The following RAB44 variants were observed in gnomAD, a reference collection of about 807,000 sequenced individuals.
RAB44 encodes ras-related protein Rab-44.
A neutral mutation model predicts 93.3 loss-of-function variants in RAB44; 67 were observed. The observed-to-expected ratio is 0.72, with a 90% CI of 0.59 to 0.88. RAB44 has a LOEUF of 0.88. Among genes scored for constraint, RAB44 ranks in the 40% least tolerant of loss-of-function variants. The pLI is 0.00. For synonymous variants in RAB44, 427 were observed against 520.3 expected, an observed-to-expected ratio of 0.82 and a Z score of 2.44; for missense variants, 1,064 against 1,261.7, an observed-to-expected ratio of 0.84 and a Z score of 2.37.
chr6:36,722,831 C>A, intron 9 of RAB44, 98 bp downstream of exon 9: 1 of 1,421,138 alleles, frequency 7.0e-7, no homozygotes, highest in Non-Finnish European at 9.5e-7. Context: ...CCTGAGGAAG[C>A]TGCAGGTTCT....
Position 36,722,270 on chromosome 6 carries a change from G to C in RAB44, c.2136G>C (p.Gln712His), listed in dbSNP as rs566201513. Residue 712 changes from glutamine to histidine, a missense_variant, in exon 9 of 14, where the codon CAG (glutamine) becomes CAC (histidine). Transcript: ENST00000612677. Reference sequence around the variant, plus strand: ...AAACTGCGCATTCGGAACTCCCCCAGCAAGACTCTCTGCTTGTTTCTCTCC... The same window carrying C: ...AAACTGCGCATTCGGAACTCCCCCACCAAGACTCTCTGCTTGTTTCTCTCC... The part of the protein sequence containing the change: ...GLETAHSELP[Q>H]QDSLLVSLPS... 1.5e-5 allele frequency: 20 copies of C among 1,291,146 alleles called. No homozygotes were observed. The South Asian group carries it at 5.1e-4, about 33-fold the overall frequency. The allele number at this position is 1,291,146 out of a possible 1,614,324, so 80.0% of individuals were successfully genotyped here. A position where few individuals can be genotyped will look rare whatever the true frequency, so the allele number is the denominator to read the frequency against.
In RAB44 at chr6:36,731,061, C is replaced by T. The variant is rs1175482562; in HGVS notation, c.2975+312C>T. Among the ~76,000 whole-genome samples, 1 of 152,038 alleles carries T rather than the reference C, an allele frequency of 6.6e-6. No individual in the cohort carries two copies. Among genetic ancestry groups the T allele is most frequent in the Non-Finnish European group, 1.5e-5 (1 of 68,004 alleles). On this transcript the variant is annotated intron_variant, in intron 13 of 13. Coordinates refer to ENST00000612677, the MANE Select transcript of RAB44 (RefSeq NM_001257357.2). The surrounding 1 kb of genome is among the most constrained non-coding windows in gnomAD (Gnocchi z 4.0). Reference sequence around the variant, plus strand: ...AAAAGGAGTGTCTCTCTTCTGCTCCCAAACTTCCAGTAGCTTCCATTAAAA... The same window carrying T: ...AAAAGGAGTGTCTCTCTTCTGCTCCTAAACTTCCAGTAGCTTCCATTAAAA...
At chr6:36,699,422 C>T (rs1377477420) in intron 1 of RAB44, among the ~76,000 whole-genome samples, 1 of 152,170 alleles carries the variant, frequency 6.6e-6, no homozygotes, top group African/African-American at 2.4e-5. Flanking sequence ...TCACAGTGGA[C>T]TTTGCTTCTG....
At position 36,703,287 on chromosome 6, in the gene RAB44, G is replaced by T. The variant is rs116419921; in HGVS notation, c.-12-937G>T. On this transcript the variant is annotated intron_variant, in intron 1 of 13. Transcript: ENST00000612677. ...CAAACAATTCCCATCAGGCCCCATC[G>T]CCCAACACTGCTTCACTGGGGATCA... is the stretch of plus-strand genomic sequence containing the variant. Among the ~76,000 whole-genome samples, 576 of 152,272 alleles carry T rather than the reference G, an allele frequency of 3.8e-3. 3 individuals carry two copies. Among genetic ancestry groups the T allele is most frequent in the African/African-American group, 0.013 (536 of 41,554 alleles).
Position 36,721,535 on chromosome 6 carries a change from C to T in RAB44, c.1401C>T (p.Asp467=). 2.4e-6 allele frequency: 3 copies of T among 1,234,598 alleles called. No homozygotes were observed. The allele number at this position is 1,234,598 out of a possible 1,614,324, so 76.5% of individuals were successfully genotyped here. Residue 467 remains aspartate, a synonymous_variant, in exon 9 of 14, where the codon GAC becomes GAT. Transcript: ENST00000612677. The stretch of plus-strand genomic sequence containing the variant: ...AGCCTGTTGAACCGCACGACCCGGA[C>T]CCCAACCAGGAGCCAGGGTCCACAC... ...AEQPVEPHDP[D]PNQEPGSTPE... is the part of the protein sequence containing the mutation.
chr6:36,727,234 G>A (rs936861679), intron 10 of RAB44, among the ~76,000 whole-genome samples: 1 of 152,156 alleles, frequency 6.6e-6, no homozygotes. Flanking sequence ...TATGTGTATG[G>A]GTGTATATAT....
intron 1 of RAB44, among the ~76,000 whole-genome samples, chr6:36,698,196 T>C (rs1268001599): frequency 6.6e-6 from 1 of 151,468 alleles, no homozygotes; most frequent in Non-Finnish European, 1.5e-5. Flanking sequence ...AGAGGAGGAG[T>C]GAGGATAAGT....
Position 36,729,482 on chromosome 6 carries a change from C to CT in RAB44, c.2898+684dup, listed in dbSNP as rs201113849. 2.1e-3 allele frequency among the ~76,000 whole-genome samples: 317 copies of CT among 147,488 alleles called. 9 individuals are homozygous for CT. The East Asian group carries it at 0.024, about 11-fold the overall frequency. On this transcript the variant is annotated intron_variant, in intron 12 of 13. Coordinates refer to ENST00000612677, the MANE Select transcript of RAB44 (RefSeq NM_001257357.2). ...GGAAGGGAATTTTTTTTCTTTCTTT[C>CT]TTTCTTTTTTTTTTTTTTGAGATGG...
At chr6:36,707,057 C>T (rs58436735) in intron 2 of RAB44, among the ~76,000 whole-genome samples, 13 of 152,194 alleles carry the variant, frequency 8.5e-5, no homozygotes, top group South Asian at 6.2e-4. Flanking sequence ...TGGTGGCTCA[C>T]GCCTGTAATC....
intron 1 of RAB44, among the ~76,000 whole-genome samples, chr6:36,699,386 C>A (rs6457942): frequency 3.9e-5 from 6 of 151,900 alleles, no homozygotes; most frequent in African/African-American, 1.5e-4. Flanking sequence ...TGTGGGAGCC[C>A]GGCAGGCTGC....
In RAB44 at chr6:36,732,003, G is replaced by T; in HGVS notation, c.2976G>T (p.Arg992Ser). The change falls in exon 14 of 14, where the codon AGG (arginine) becomes AGT (serine). Residue 992 changes from arginine (R) to serine (S), a missense_variant and splice_region_variant. Transcript: ENST00000612677. ...CCTGATGCCTGGCACTGTCACATAG[G>T]TCACTCAGGATGCAAGAAGAAGGCC... The part of the protein sequence containing the change: ...NILEPVVNLA[R>S]SLRMQEEGLK... 3.2e-6 allele frequency: 4 copies of T among 1,234,040 alleles called. No homozygotes were observed. The highest frequency in any genetic ancestry group is 4.0e-6 in the Non-Finnish European group (4 of 988,162). 76.4% of individuals were successfully genotyped at this position (1,234,040 alleles called of 1,614,324 possible).
chr6:36,716,765 G>A (rs1004396810), intron 4 of RAB44, among the ~76,000 whole-genome samples: 1 of 152,172 alleles, frequency 6.6e-6, no homozygotes, highest in Non-Finnish European at 1.5e-5. Flanking sequence ...CAGCCCTCTG[G>A]CATCCATCCT....
intron 1 of RAB44, among the ~76,000 whole-genome samples, chr6:36,699,480 C>T (rs921868779): frequency 6.6e-6 from 1 of 152,172 alleles, no homozygotes; most frequent in Non-Finnish European, 1.5e-5. Context: ...GCCGTGTTAG[C>T]TCCATTGCCG....
chr6:36,732,173 A>C lies in RAB44; in HGVS notation c.*80A>C. ...CTCCTGTCCTTTGTTCCTGGACAGC[A>C]ACGACACAGAGGACCAGCTTGGAGG... On this transcript the variant is annotated 3_prime_UTR_variant, in exon 14 of 14. Transcript: ENST00000612677. 1 of 916,528 alleles carries C rather than the reference A, an allele frequency of 1.1e-6. No homozygotes were observed. Among genetic ancestry groups the C allele is most frequent in the Non-Finnish European group, 1.4e-6 (1 of 698,854 alleles). 56.8% of individuals were successfully genotyped at this position (916,528 alleles called of 1,614,324 possible). A position where few individuals can be genotyped will look rare whatever the true frequency, so the allele number is the denominator to read the frequency against.
At chr6:36,730,380 CA>C (rs1172276695) in intron 12 of RAB44, among the ~76,000 whole-genome samples, 2 of 152,266 alleles carry the variant, frequency 1.3e-5, no homozygotes, top group African/African-American at 2.4e-5. Flanking sequence ...AAAATGTCTC[CA>C]GGGGCATTTC....
intron 2 of RAB44, among the ~76,000 whole-genome samples, chr6:36,709,581 G>T (rs909313966): frequency 6.6e-6 from 1 of 152,076 alleles, no homozygotes; most frequent in Non-Finnish European, 1.5e-5. Flanking sequence ...TTTGAGACAG[G>T]GTCTTGCTCT....
chr6:36,722,962 GT>G (rs1366995671), intron 9 of RAB44, among the ~76,000 whole-genome samples: 1 of 152,238 alleles, frequency 6.6e-6, no homozygotes, highest in African/African-American at 2.4e-5. Flanking sequence ...AGCTTATAAG[GT>G]GCCACATCAA....
chr6:36,727,410 T>C (rs1179653917), intron 10 of RAB44, among the ~76,000 whole-genome samples, 167 bp from the exon 11 acceptor site: 1 of 152,212 alleles, frequency 6.6e-6, no homozygotes, highest in Non-Finnish European at 1.5e-5. Context: ...ATTTGAGCCA[T>C]GAGAACTGTT....
Position 36,704,248 on chromosome 6 carries a change from C to G in RAB44, c.13C>G (p.Gln5Glu), listed in dbSNP as rs2150324452. Residue 5 changes from glutamine (Q) to glutamate (E), a missense_variant, in exon 2 of 14, where the codon CAG becomes GAG. By Grantham distance (29) the Gln-to-Glu change is conservative. Transcript: ENST00000612677. ...GGGCCAACGCACCATGGAGACTGGA[C>G]AGAGAACATCTCGAAAAGTCCGGAA... METG[Q>E]RTSRKVRKLG... 1 of 1,536,086 alleles carries G rather than the reference C, an allele frequency of 6.5e-7. No homozygotes were observed. Among genetic ancestry groups the G allele is most frequent in the Admixed American group, 2.0e-5 (1 of 50,988 alleles).
Sources: gnomAD v4.1 joint callset for allele counts (sites outside exome capture counted in the v4.1 genomes callset) on GRCh38, gnomAD v4.1.1 for gene constraint, Gnocchi (gnomAD v3.1) non-coding constraint, MANE v1.5 for transcripts, NCBI Gene and HGNC (gene_info 2026-07-23, HGNC 2026-07-21) for gene names.